Variants in PXDNL observed in about 807,000 individuals in gnomAD.
PXDNL encodes peroxidasin like.
In PXDNL, 145 loss-of-function variants were observed where a neutral mutation model predicts 150.8. That is an observed-to-expected ratio of 0.96 (90% CI 0.84 to 1.10). The LOEUF is 1.10. PXDNL is among the 50% of genes least tolerant of loss of function. The pLI is 0.00. For synonymous variants in PXDNL, 757 were observed against 725.7 expected (o/e 1.04, Z -0.69); for missense variants, 2,087 against 1,873.9 (o/e 1.11, Z -2.10).
intron 3 of PXDNL, among the ~76,000 whole-genome samples, chr8:51,589,344 G>C (rs577640719): frequency 1.1e-4 from 16 of 152,188 alleles, no homozygotes; most frequent in Non-Finnish European, 1.8e-4. Context: ...TGGGTAATGG[G>C]TAAAGGCTAG....
chr8:51,511,206 TA>T (rs1405766049), intron 4 of PXDNL, among the ~76,000 whole-genome samples: 2 of 152,204 alleles, frequency 1.3e-5, no homozygotes, highest in African/African-American at 4.8e-5. Context: ...TGGCTGATGA[TA>T]CTTCATGCCA....
At chr8:51,361,277 T>C (rs1161939240) in intron 19 of PXDNL, among the ~76,000 whole-genome samples, 2 of 152,204 alleles carry the variant, frequency 1.3e-5, no homozygotes, top group Non-Finnish European at 2.9e-5. Flanking sequence ...AGGCCTCTTA[T>C]GTCTGACCCA....
At chr8:51,511,525 T>C (rs997549307) in intron 4 of PXDNL, among the ~76,000 whole-genome samples, 1 of 152,188 alleles carries the variant, frequency 6.6e-6, no homozygotes, top group African/African-American at 2.4e-5. Flanking sequence ...TACTTCCTGC[T>C]TCCAAATTAA....
At chr8:51,374,880 G>T in intron 17 of PXDNL, 149 bp from the exon 18 acceptor site, 1 of 1,002,020 alleles carries the variant, frequency 1.0e-6, no homozygotes, top group Non-Finnish European at 1.4e-6. Flanking sequence ...ATGGGGGAAA[G>T]CACTCAAATG....
At position 51,363,114 on chromosome 8, in the gene PXDNL, C is replaced by T. The variant is rs1471557590; in HGVS notation, c.3901+8759G>A. On this transcript the variant is annotated intron_variant, in intron 19 of 22. Transcript: ENST00000356297. ...TCCCTGGCCCAGTTTTGCCTCCTGG[C>T]TATTCTGGGAAGGGTTGTATCCTCC... Among the ~76,000 whole-genome samples, 4 of 152,262 alleles carry T rather than the reference C, an allele frequency of 2.6e-5. No homozygotes were observed. In the East Asian group the frequency reaches 5.8e-4, roughly 22 times the overall value.
At position 51,363,084 on chromosome 8, in the gene PXDNL, G is replaced by A. The variant is rs78616123; in HGVS notation, c.3901+8789C>T. Among the ~76,000 whole-genome samples, 1,507 of 152,178 alleles carry A rather than the reference G, an allele frequency of 9.9e-3. 22 individuals carry two copies. The highest frequency in any genetic ancestry group is 0.032 in the African/African-American group (1,336 of 41,508). ...GCCAGAATCAAGCCCAACATGACCC[G>A]TTCTTCCCTGGCCCAGTTTTGCCTC... is the stretch of plus-strand genomic sequence containing the variant. On this transcript the variant is annotated intron_variant, in intron 19 of 22. Transcript: ENST00000356297.
At chr8:51,422,775 C>T (rs1183740760) in intron 14 of PXDNL, among the ~76,000 whole-genome samples, 6 of 152,156 alleles carry the variant, frequency 3.9e-5, no homozygotes, top group Admixed American at 3.9e-4. Context: ...AAAAAAGCAA[C>T]ACTAATGTGA....
intron 20 of PXDNL, among the ~76,000 whole-genome samples, chr8:51,341,747 A>G (rs1805989316): frequency 6.6e-6 from 1 of 152,238 alleles, no homozygotes; most frequent in Admixed American, 6.5e-5. Context: ...TTCACTTAGC[A>G]TAATGTCCTC....
intron 21 of PXDNL, among the ~76,000 whole-genome samples, chr8:51,326,077 G>A (rs1438765253): frequency 6.6e-6 from 1 of 152,134 alleles, no homozygotes; most frequent in Non-Finnish European, 1.5e-5. Flanking sequence ...AACTACCCAG[G>A]AAAGAGCATC....
intron 2 of PXDNL, among the ~76,000 whole-genome samples, chr8:51,649,677 G>A (rs55686469): frequency 0.05 from 7,531 of 152,002 alleles, 259 homozygotes; most frequent in Non-Finnish European, 0.075. Flanking sequence ...TGCTAATTGT[G>A]CATACATTAA....
rs538180081 is a variant in PXDNL at position 51,628,162 on chromosome 8, G to C, written c.236+26527C>G. On this transcript the variant is annotated intron_variant, in intron 2 of 22. Coordinates refer to ENST00000356297, the MANE Select transcript of PXDNL (RefSeq NM_144651.5). ...ACAAGCATATCCAGGACTGAACTCA[G>C]GCTCAGAAAAGACCCAAGAAAACCC... Among the ~76,000 whole-genome samples the C allele has an allele frequency of 2.6e-5, 4 of 152,138 alleles. No homozygotes were observed. In the East Asian group the frequency reaches 7.7e-4, roughly 29 times the overall value.
intron 14 of PXDNL, among the ~76,000 whole-genome samples, chr8:51,416,442 A>T (rs1017774426): frequency 6.6e-6 from 1 of 152,258 alleles, no homozygotes; most frequent in Non-Finnish European, 1.5e-5. Flanking sequence ...ATTTACAAGC[A>T]TAGGGATTTT....
intron 1 of PXDNL, among the ~76,000 whole-genome samples, chr8:51,697,499 G>A (rs935885726): frequency 3.7e-4 from 56 of 152,218 alleles, no homozygotes; most frequent in African/African-American, 1.4e-3. Context: ...AGGCCAGGCA[G>A]TGAGCCAAGG....
chr8:51,427,004 T>TA (rs1245564128), intron 12 of PXDNL, among the ~76,000 whole-genome samples: 56 of 152,356 alleles, frequency 3.7e-4, no homozygotes, highest in Non-Finnish European at 3.2e-4. Flanking sequence ...TTTGTATTTT[T>TA]AACATGCATC....
At chr8:51,524,052 A>C (rs1342620545) in intron 4 of PXDNL, among the ~76,000 whole-genome samples, 2 of 152,216 alleles carry the variant, frequency 1.3e-5, no homozygotes, top group Non-Finnish European at 2.9e-5. Flanking sequence ...TGGGCACCCC[A>C]CTGCCTGTGT....
intron 1 of PXDNL, among the ~76,000 whole-genome samples, chr8:51,795,724 T>C (rs947558312): frequency 1.3e-5 from 2 of 152,100 alleles, no homozygotes; most frequent in Admixed American, 1.3e-4. Flanking sequence ...CCTGACCCAA[T>C]GATGGATGAA....
chr8:51,621,965 A>T (rs945619968), intron 2 of PXDNL, among the ~76,000 whole-genome samples: 1 of 146,026 alleles, frequency 6.8e-6, no homozygotes, highest in South Asian at 2.2e-4. Flanking sequence ...AAAAAAAAGC[A>T]ATTTTGCAGA....
At chr8:51,372,152 C>T in intron 18 of PXDNL, 71 bp from the exon 19 acceptor site, 1 of 1,052,074 alleles carries the variant, frequency 9.5e-7, no homozygotes, top group Non-Finnish European at 1.4e-6. Flanking sequence ...TGTCAAACAG[C>T]CACAATGCAC....
At chr8:51,489,394 CAG>C (rs1672926502) in intron 5 of PXDNL, among the ~76,000 whole-genome samples, 1 of 152,310 alleles carries the variant, frequency 6.6e-6, no homozygotes, top group Admixed American at 6.5e-5. Flanking sequence ...TGGTTCATTG[CAG>C]CCTCAACCTC....
Sources: gnomAD v4.1 joint callset for allele counts (sites outside exome capture counted in the v4.1 genomes callset) on GRCh38, gnomAD v4.1.1 for gene constraint, MANE v1.5 for transcripts, NCBI Gene and HGNC (gene_info 2026-07-23, HGNC 2026-07-21) for gene names.